MAST4: variants seen among roughly 807,000 people sequenced by gnomAD.
The protein encoded by MAST4 is microtubule associated serine/threonine kinase family member 4, also known as microtubule-associated serine/threonine-protein kinase 4.
MAST4 carries 89 observed loss-of-function variants against 162.7 expected under a neutral mutation model. That is an observed-to-expected ratio of 0.55 (90% CI 0.46 to 0.65). MAST4 has a LOEUF of 0.65. MAST4 is among the 30% of genes least tolerant of loss of function. The pLI is 0.00. For missense variants in MAST4, 3,153 were observed against 3,374.0 expected (o/e 0.93, Z 1.62); for synonymous variants, 1,479 against 1,361.1 (o/e 1.09, Z -1.91).
intron 4 of MAST4, among the ~76,000 whole-genome samples, chr5:67,011,780 G>A (rs1382711737): frequency 6.6e-6 from 1 of 152,188 alleles, no homozygotes; most frequent in African/African-American, 2.4e-5. Context: ...CTTCTAGTGT[G>A]AAACTTACAG....
At chr5:67,054,866 A>T (rs1758609533) in intron 5 of MAST4, among the ~76,000 whole-genome samples, 2 of 152,220 alleles carry the variant, frequency 1.3e-5, no homozygotes, top group African/African-American at 2.4e-5. Context: ...CTAAAATTGA[A>T]CTTGTCTAAT....
chr5:67,162,764 C>T lies in MAST4; in HGVS notation c.3943C>T (p.Arg1315Cys), dbSNP rs1315957953. The T allele has an allele frequency of 3.7e-6, 6 of 1,613,846 alleles. No individual in the cohort carries two copies. The highest frequency in any genetic ancestry group is 2.2e-5 in the East Asian group (1 of 44,864). Reference protein sequence around the residue: ...LSPRSPTPSYRSTPDFPSGTN... With the variant: ...LSPRSPTPSYCSTPDFPSGTN... The stretch of plus-strand genomic sequence containing the variant: ...TCCCCGGTCTCCAACACCAAGCTAC[C>T]GCTCCACCCCTGACTTCCCATCTGG... Residue 1315 changes from arginine (R) to cysteine (C), a missense_variant, in exon 28 of 29, where the codon CGC becomes TGC. Physicochemically the swap from Arg to Cys is radical, Grantham distance 180. Around this residue, in one of 7 missense-constraint regions of MAST4, gnomAD observed 619 missense variants for 744.2 expected, o/e 0.83. Transcript: ENST00000403625.
chr5:66,992,062 C>A (rs1004275492), intron 4 of MAST4, among the ~76,000 whole-genome samples: 1 of 152,176 alleles, frequency 6.6e-6, no homozygotes, highest in African/African-American at 2.4e-5. Context: ...ACAATGATAG[C>A]AGAAATAAAT....
intron 1 of MAST4, among the ~76,000 whole-genome samples, chr5:66,677,996 A>G (rs566148881): frequency 6.6e-6 from 1 of 152,194 alleles, no homozygotes; most frequent in Non-Finnish European, 1.5e-5. Flanking sequence ...GAAGTCAGGA[A>G]GAGTTTGAGA....
chr5:67,054,314 C>T (rs958429801), intron 4 of MAST4, 90 bp from the exon 5 acceptor site: 46 of 1,053,418 alleles, frequency 4.4e-5, no homozygotes, highest in East Asian at 8.2e-5. Flanking sequence ...AGATAGGTTG[C>T]TCAACCTGGT....
chr5:66,687,173 C>T (rs1205995213), intron 1 of MAST4, among the ~76,000 whole-genome samples: 3 of 152,040 alleles, frequency 2.0e-5, no homozygotes, highest in African/African-American at 4.8e-5. Context: ...CTAGTGAACC[C>T]ATCACCCGAA....
At chr5:66,837,888 ATATATATTTTTT>A (rs1415634545) in intron 3 of MAST4, among the ~76,000 whole-genome samples, 8 of 34,946 alleles carry the variant, frequency 2.3e-4, no homozygotes, top group African/African-American at 1.2e-3. Flanking sequence ...ATATATATAT[ATATATATTTTTT>A]TTTTTTTTTT....
chr5:67,107,151 C>A (rs1178818293), intron 10 of MAST4, among the ~76,000 whole-genome samples: 1 of 152,174 alleles, frequency 6.6e-6, no homozygotes, highest in African/African-American at 2.4e-5. Context: ...CAGGATATTA[C>A]CATAGTTACC....
chr5:66,756,723 A>G (rs897961080), intron 1 of MAST4, among the ~76,000 whole-genome samples: 4 of 152,220 alleles, frequency 2.6e-5, no homozygotes, highest in Non-Finnish European at 5.9e-5. Flanking sequence ...GACTAATTGT[A>G]GAAAGAATAG....
At chr5:66,750,741 G>C (rs1028665681) in intron 1 of MAST4, among the ~76,000 whole-genome samples, 3 of 152,028 alleles carry the variant, frequency 2.0e-5, no homozygotes, top group Non-Finnish European at 4.4e-5. Context: ...CATTGCCCAG[G>C]CTTGCTTAGG....
chr5:66,966,097 A>G (rs1270237263), intron 4 of MAST4, among the ~76,000 whole-genome samples: 1 of 152,218 alleles, frequency 6.6e-6, no homozygotes, highest in Non-Finnish European at 1.5e-5. Flanking sequence ...ACAGAAATGA[A>G]TATTGCCTTT....
At chr5:67,041,371 G>A (rs926766041) in intron 4 of MAST4, among the ~76,000 whole-genome samples, 6 of 152,124 alleles carry the variant, frequency 3.9e-5, no homozygotes, top group African/African-American at 1.4e-4. Context: ...TCTATAACTA[G>A]GATAATGTTT....
At chr5:66,950,873 C>T (rs1216723997) in intron 4 of MAST4, among the ~76,000 whole-genome samples, 3 of 152,130 alleles carry the variant, frequency 2.0e-5, no homozygotes, top group African/African-American at 4.8e-5. Flanking sequence ...TTTTCTGCAT[C>T]GGCTGCACCA....
chr5:66,864,784 C>G (rs1760380619), intron 3 of MAST4, among the ~76,000 whole-genome samples: 3 of 152,084 alleles, frequency 2.0e-5, no homozygotes, highest in Admixed American at 6.6e-5. Flanking sequence ...CCAACCCTGC[C>G]AACATCTTCA....
intron 1 of MAST4, among the ~76,000 whole-genome samples, chr5:66,709,326 T>A (rs1750346200): frequency 1.3e-5 from 2 of 152,004 alleles, no homozygotes; most frequent in South Asian, 2.1e-4. Flanking sequence ...TCAAAATGAA[T>A]TTTTTTTGAG....
At chr5:66,733,111 A>G (rs1331537235) in intron 1 of MAST4, among the ~76,000 whole-genome samples, 1 of 152,142 alleles carries the variant, frequency 6.6e-6, no homozygotes, top group Admixed American at 6.5e-5. Flanking sequence ...CTACCAGGCA[A>G]ATCTGTCCCA....
At position 66,767,170 on chromosome 5, in the gene MAST4, CGTGTGTGTGTGTGTGTGTGTGTGT is replaced by C. The variant is rs60766673; in HGVS notation, c.517+7332_517+7355del. 6.4e-5 allele frequency among the ~76,000 whole-genome samples: 9 copies of C among 139,562 alleles called. 1 individual carries two copies. Among genetic ancestry groups the C allele is most frequent in the Non-Finnish European group, 1.4e-4 (9 of 64,878 alleles). The allele number at this position is 139,562 out of a possible 152,430, so 91.6% of individuals were successfully genotyped here. A position where few individuals can be genotyped will look rare whatever the true frequency, so the allele number is the denominator to read the frequency against. ...TGGTCACAGATGAATGTAAAGTGCACGTGTGTGTGTGTGTGTGTGTGTGTGTGTGTGTGTGTGTGTGTGTGTGGT... is the reference window on the plus strand; with the variant it reads ...TGGTCACAGATGAATGTAAAGTGCACGTGTGTGTGTGTGTGTGTGTGTGGT... On this transcript the variant is annotated intron_variant, in intron 2 of 28. Transcript: ENST00000403625.
intron 1 of MAST4, among the ~76,000 whole-genome samples, chr5:66,731,596 A>C (rs116499636): frequency 0.013 from 1,999 of 151,944 alleles, 50 homozygotes; most frequent in African/African-American, 0.046. Context: ...TTCTCTTCCA[A>C]CTTTTTTTTG....
chr5:66,876,413 A>AC (rs1212453089), intron 3 of MAST4, among the ~76,000 whole-genome samples: 5 of 152,116 alleles, frequency 3.3e-5, no homozygotes, highest in African/African-American at 1.2e-4. Context: ...GCCAGGAGAT[A>AC]GGGGATGTGA....
Sources: allele counts gnomAD v4.1 joint callset (sites outside exome capture counted in the v4.1 genomes callset), GRCh38; gene constraint gnomAD v4.1.1; regional missense constraint gnomAD v4.1.1; transcripts MANE v1.5; gene names NCBI Gene and HGNC (gene_info 2026-07-23, HGNC 2026-07-21).